PDE12: variants seen among roughly 807,000 people sequenced by gnomAD.
PDE12 encodes the protein 2',5'-phosphodiesterase 12.
A neutral mutation model predicts 45.4 loss-of-function variants in PDE12; 26 were observed. The observed-to-expected ratio is 0.57, with a 90% confidence interval of 0.42 to 0.79. The LOEUF is 0.79. Among genes scored for constraint, PDE12 ranks in the 30% least tolerant of loss-of-function variants. The pLI is 0.00. For synonymous variants in PDE12, 283 were observed against 323.9 expected (o/e 0.87, Z 1.36); for missense variants, 668 against 790.0 (o/e 0.85, Z 1.85).
intron 1 of PDE12, among the ~76,000 whole-genome samples, chr3:57,558,709 C>T (rs1351976856): frequency 1.3e-5 from 2 of 150,738 alleles, no homozygotes; most frequent in Admixed American, 6.6e-5. Flanking sequence ...CCAGGATGGT[C>T]TCGATCTCCT....
downstream of PDE12, among the ~76,000 whole-genome samples, chr3:57,569,045 T>C (rs1279793287): frequency 6.6e-6 from 1 of 152,156 alleles, no homozygotes; most frequent in Non-Finnish European, 1.5e-5. Context: ...TCAACTGTTC[T>C]GTACAATAGG....
chr3:57,585,796 G>A, the PDE12 span, among the ~76,000 whole-genome samples: 2 of 151,538 alleles, frequency 1.3e-5, no homozygotes, highest in East Asian at 3.9e-4. Context: ...CGGAGTAACT[G>A]GGATTACAGG....
chr3:57,606,055 G>A, the PDE12 span, among the ~76,000 whole-genome samples: 3 of 152,090 alleles, frequency 2.0e-5, no homozygotes, highest in Non-Finnish European at 4.4e-5. Context: ...AGGGAAGAGG[G>A]ACAGAAAAAA....
the PDE12 span, chr3:57,575,604 T>C: frequency 1.2e-6 from 2 of 1,613,422 alleles, no homozygotes; most frequent in Non-Finnish European, 1.7e-6. Context: ...CTGATGGCCA[T>C]AGCATTTGGC....
chr3:57,618,454 A>C, the PDE12 span, among the ~76,000 whole-genome samples: 1 of 151,826 alleles, frequency 6.6e-6, no homozygotes, highest in Admixed American at 6.6e-5. Flanking sequence ...ACAGGGTCTC[A>C]CTCTGTTGCC....
the PDE12 span, among the ~76,000 whole-genome samples, chr3:57,643,800 C>A: frequency 6.7e-6 from 1 of 149,722 alleles, no homozygotes; most frequent in Non-Finnish European, 1.5e-5. Context: ...GCACTCCAGC[C>A]CAGGCAACAG....
chr3:57,623,976 TTA>T, the PDE12 span, among the ~76,000 whole-genome samples: 1 of 152,112 alleles, frequency 6.6e-6, no homozygotes, highest in Non-Finnish European at 1.5e-5. Context: ...ACAAAATCTT[TTA>T]AAATTTTTTA....
At chr3:57,619,234 G>C in the PDE12 span, among the ~76,000 whole-genome samples, 10 of 152,032 alleles carry the variant, frequency 6.6e-5, no homozygotes. Flanking sequence ...TGTAGTCCCA[G>C]CTACTCGGGA....
the PDE12 span, among the ~76,000 whole-genome samples, chr3:57,609,632 A>G: frequency 1.3e-5 from 2 of 152,228 alleles, no homozygotes; most frequent in African/African-American, 2.4e-5. Flanking sequence ...TAGAAAATCT[A>G]GAAGAAATGG....
chr3:57,620,703 A>G, the PDE12 span, among the ~76,000 whole-genome samples: 1 of 152,218 alleles, frequency 6.6e-6, no homozygotes, highest in African/African-American at 2.4e-5. Flanking sequence ...GAAAAATTGT[A>G]AATTTAAATT....
At chr3:57,635,591 A>C in the PDE12 span, among the ~76,000 whole-genome samples, 6 of 152,200 alleles carry the variant, frequency 3.9e-5, no homozygotes, top group Non-Finnish European at 8.8e-5. Context: ...AATATAATTG[A>C]AGCCTCTAAA....
the PDE12 span, among the ~76,000 whole-genome samples, chr3:57,617,759 A>G: frequency 5.9e-5 from 9 of 151,958 alleles, no homozygotes; most frequent in South Asian, 1.9e-3. Flanking sequence ...CCCAGCTACC[A>G]GGAAGGCTGA....
the PDE12 span, among the ~76,000 whole-genome samples, chr3:57,574,371 T>C: frequency 3.3e-5 from 5 of 152,034 alleles, no homozygotes; most frequent in South Asian, 6.2e-4. Flanking sequence ...CATCACTGAA[T>C]CACTGATCAA....
At chr3:57,572,127 A>AAG in the PDE12 span, 1 of 1,063,226 alleles carries the variant, frequency 9.4e-7, no homozygotes, top group Non-Finnish European at 1.5e-6. Context: ...GATACTGTTT[A>AAG]ATAACCAAGA....
the PDE12 span, chr3:57,575,475 G>GA: frequency 1.4e-6 from 2 of 1,426,308 alleles, no homozygotes; most frequent in Admixed American, 4.8e-5. Context: ...TGTTTAAACT[G>GA]AATATTAGCT....
At chr3:57,637,725 C>T in the PDE12 span, among the ~76,000 whole-genome samples, 404 of 139,648 alleles carry the variant, frequency 2.9e-3, 2 homozygotes, top group African/African-American at 0.01. Flanking sequence ...GACTATGACA[C>T]CAAATATACA....
At chr3:57,622,510 T>C in the PDE12 span, among the ~76,000 whole-genome samples, 3 of 152,250 alleles carry the variant, frequency 2.0e-5, no homozygotes, top group South Asian at 4.1e-4. Flanking sequence ...TTGGAACAGT[T>C]TGGCAATCTC....
chr3:57,610,603 A>G, the PDE12 span, among the ~76,000 whole-genome samples: 1 of 152,150 alleles, frequency 6.6e-6, no homozygotes, highest in Non-Finnish European at 1.5e-5. Flanking sequence ...AGACAAACAG[A>G]GAGCCAAATC....
chr3:57,647,521 T>C, the PDE12 span, among the ~76,000 whole-genome samples: 1 of 152,106 alleles, frequency 6.6e-6, no homozygotes, highest in Non-Finnish European at 1.5e-5. Context: ...GTGAGCAATG[T>C]ATACATGTGT....
Sources: allele counts gnomAD v4.1 joint callset (sites outside exome capture counted in the v4.1 genomes callset), GRCh38; gene constraint gnomAD v4.1.1; transcripts MANE v1.5; gene names NCBI Gene and HGNC (gene_info 2026-07-23, HGNC 2026-07-21).